The following TENM2 variants were observed in gnomAD, a reference collection of about 807,000 sequenced individuals.
The protein encoded by TENM2 is teneurin transmembrane protein 2.
Under a neutral mutation model 245.2 loss-of-function variants are expected in TENM2, and 52 were observed. That is an observed-to-expected ratio of 0.21 (90% CI 0.17 to 0.27). The LOEUF (loss-of-function observed/expected upper bound fraction) is 0.27, where lower values mean the gene tolerates loss of function less well. Ranked by LOEUF, TENM2 falls within the 10% of genes least tolerant of loss-of-function variation. The probability of loss-of-function intolerance (pLI) is 1.00; values close to 1 mark genes in which losing one functional copy is unlikely to be tolerated. For missense variants in TENM2, 3,046 were observed against 3,666.8 expected, an observed-to-expected ratio of 0.83 and a Z score of 4.37; for synonymous variants, 1,363 against 1,438.9, an observed-to-expected ratio of 0.95 and a Z score of 1.19.
the TENM2 span, among the ~76,000 whole-genome samples, chr5:167,003,572 GGTTTA>G: frequency 6.6e-6 from 1 of 152,058 alleles, no homozygotes; most frequent in East Asian, 1.9e-4. Flanking sequence ...CGAAAATGTC[GGTTTA>G]GTTTAATCTA....
intron 2 of TENM2, among the ~76,000 whole-genome samples, chr5:167,482,213 T>G (rs567137971): frequency 6.6e-6 from 1 of 152,310 alleles, no homozygotes; most frequent in African/African-American, 2.4e-5. Flanking sequence ...TGTTAGTGTA[T>G]TTTCTCTAGA....
chr5:167,059,041 C>T, the TENM2 span, among the ~76,000 whole-genome samples: 3 of 152,096 alleles, frequency 2.0e-5, no homozygotes, highest in African/African-American at 7.2e-5. Context: ...TTAGGGGAAC[C>T]ATGAAAATAT....
chr5:168,232,310 A>T (rs900597792), intron 25 of TENM2: 2 of 152,176 alleles, frequency 1.3e-5, no homozygotes, highest in Non-Finnish European at 2.9e-5. Flanking sequence ...TCACCTTTTG[A>T]CAGGCTCTCC....
chr5:168,156,416 C>T (rs1329447686), intron 12 of TENM2, among the ~76,000 whole-genome samples: 1 of 152,018 alleles, frequency 6.6e-6, no homozygotes, highest in Non-Finnish European at 1.5e-5. Context: ...ACTTGCATTT[C>T]CATCTGGATA....
chr5:167,367,063 T>G (rs1157187666), intron 1 of TENM2, among the ~76,000 whole-genome samples: 1 of 152,162 alleles, frequency 6.6e-6, no homozygotes, highest in Non-Finnish European at 1.5e-5. Context: ...TTGTTCAGAT[T>G]GGAATGGGAA....
intron 2 of TENM2, among the ~76,000 whole-genome samples, chr5:167,709,531 G>C (rs1758765918): frequency 6.6e-6 from 1 of 152,218 alleles, no homozygotes; most frequent in South Asian, 2.1e-4. Context: ...AAGAAGAGAT[G>C]GTGGCGGTCC....
intron 13 of TENM2, among the ~76,000 whole-genome samples, chr5:168,182,642 G>A (rs1760014656): frequency 6.6e-6 from 1 of 152,094 alleles, no homozygotes; most frequent in East Asian, 1.9e-4. Flanking sequence ...ATGGGGCAGG[G>A]CAGGGACCAA....
the TENM2 span, among the ~76,000 whole-genome samples, chr5:167,098,400 G>A: frequency 1.4e-4 from 22 of 152,194 alleles, no homozygotes; most frequent in East Asian, 3.9e-4. Flanking sequence ...TCTTAGACCC[G>A]TTTTAAGCTT....
At chr5:166,990,956 T>C in the TENM2 span, among the ~76,000 whole-genome samples, 1 of 151,866 alleles carries the variant, frequency 6.6e-6, no homozygotes, top group African/African-American at 2.4e-5. Flanking sequence ...TCATGTTGAG[T>C]GTGACAGTTG....
chr5:168,198,929 A>G, exon 16 of TENM2: 1 of 1,614,054 alleles, frequency 6.2e-7, no homozygotes, highest in Non-Finnish European at 8.5e-7. Context: ...CCAGGAGCGC[A>G]CTGTGTGGCT....
intron 4 of TENM2, among the ~76,000 whole-genome samples, chr5:167,967,864 G>T (rs895400343): frequency 6.6e-6 from 1 of 152,170 alleles, no homozygotes; most frequent in African/African-American, 2.4e-5. Flanking sequence ...ACTTCCTGAA[G>T]TCTTCCCAGA....
In TENM2 at chr5:168,244,616, G is replaced by T. The variant is rs574223894; in HGVS notation, c.5717G>T (p.Arg1906Leu). 6 of 1,600,076 alleles carry T rather than the reference G, an allele frequency of 3.7e-6. No homozygotes were observed. Among genetic ancestry groups the T allele is most frequent in the South Asian group, 2.2e-5 (2 of 89,504 alleles). Residue 1906 changes from arginine (R) to leucine (L), a missense_variant, in exon 26 of 29, where the codon CGT becomes CTT. Coordinates refer to ENST00000518659, the Ensembl canonical transcript of TENM2. This position sits in a 1 kb window ranked among gnomAD's most constrained non-coding sequence, Gnocchi z 4.9. ...AATGGGCGCCTGGCTGGGCTTCAGCGTGGGGCCATGAGCGAGAGGACAGAC... is the reference window on the plus strand; with the variant it reads ...AATGGGCGCCTGGCTGGGCTTCAGCTTGGGGCCATGAGCGAGAGGACAGAC...
At chr5:167,438,354 A>G (rs562863578) in intron 2 of TENM2, among the ~76,000 whole-genome samples, 1 of 152,298 alleles carries the variant, frequency 6.6e-6, no homozygotes, top group South Asian at 2.1e-4. Flanking sequence ...TCACAGACAT[A>G]TACACAAAAC....
At chr5:167,594,927 T>C (rs560279859) in intron 2 of TENM2, among the ~76,000 whole-genome samples, 1 of 152,318 alleles carries the variant, frequency 6.6e-6, no homozygotes, top group Admixed American at 6.5e-5. Context: ...CAGTTTGAAA[T>C]GCATTATGTT....
intron 17 of TENM2, among the ~76,000 whole-genome samples, chr5:168,201,059 A>G (rs1761894488): frequency 6.6e-6 from 1 of 152,078 alleles, no homozygotes; most frequent in Non-Finnish European, 1.5e-5. Flanking sequence ...TAACCCCTCA[A>G]GTAGGCACCC....
the TENM2 span, among the ~76,000 whole-genome samples, chr5:167,260,179 C>A: frequency 6.6e-6 from 1 of 152,100 alleles, no homozygotes; most frequent in African/African-American, 2.4e-5. Flanking sequence ...TATACAAAAT[C>A]ATTAAAACAT....
chr5:167,604,032 A>T (rs1776845001), intron 2 of TENM2, among the ~76,000 whole-genome samples: 1 of 151,982 alleles, frequency 6.6e-6, no homozygotes, highest in Admixed American at 6.6e-5. Flanking sequence ...TGTATCTGGG[A>T]CTCCTGATTG....
chr5:167,068,854 A>G, the TENM2 span, among the ~76,000 whole-genome samples: 1 of 152,314 alleles, frequency 6.6e-6, no homozygotes, highest in South Asian at 2.1e-4. Flanking sequence ...TTCTGTATTA[A>G]GTAATAGAGA....
chr5:167,005,343 C>G, the TENM2 span, among the ~76,000 whole-genome samples: 6 of 152,180 alleles, frequency 3.9e-5, no homozygotes, highest in Non-Finnish European at 7.3e-5. Flanking sequence ...GTCTGTCAGA[C>G]AAGGGAGTGC....
Sources: allele counts gnomAD v4.1 joint callset (sites outside exome capture counted in the v4.1 genomes callset), GRCh38; gene constraint gnomAD v4.1.1; non-coding constraint Gnocchi (gnomAD v3.1); transcripts MANE v1.5; gene names NCBI Gene and HGNC (gene_info 2026-07-23, HGNC 2026-07-21).